SUPT4H1: variants seen among roughly 807,000 people sequenced by gnomAD.
SUPT4H1 encodes SPT4 homolog, DSIF elongation factor subunit.
A neutral mutation model predicts 19.4 loss-of-function variants in SUPT4H1; 12 were observed. The ratio of observed to expected loss-of-function variants is 0.62; its 90% CI spans 0.40 to 1.00. The LOEUF (loss-of-function observed/expected upper bound fraction) is 1.00, where lower values mean the gene tolerates loss of function less well. Among genes scored for constraint, SUPT4H1 ranks in the 50% least tolerant of loss-of-function variants. The pLI is 0.00. For synonymous variants in SUPT4H1, 58 were observed against 56.3 expected, an observed-to-expected ratio of 1.03 and a Z score of -0.14; for missense variants, 115 against 149.2, an observed-to-expected ratio of 0.77 and a Z score of 1.19.
chr17:58,347,366 A>G, intron 3 of SUPT4H1, 125 bp from the exon 4 acceptor site: 1 of 1,352,332 alleles, frequency 7.4e-7, no homozygotes, highest in Non-Finnish European at 1.1e-6. Context: ...TTTGGCTACA[A>G]GTGTTAAATG....
intron 2 of SUPT4H1, 49 bp downstream of exon 2, chr17:58,351,353 T>G: frequency 2.3e-6 from 3 of 1,323,526 alleles, no homozygotes; most frequent in Non-Finnish European, 3.2e-6. Flanking sequence ...CTTCTCTGGG[T>G]GCAGGTTGGG....
At chr17:58,346,392 G>T in intron 4 of SUPT4H1, 79 bp from the exon 5 acceptor site, 1 of 1,210,890 alleles carries the variant, frequency 8.3e-7, no homozygotes. Flanking sequence ...ACCTTGAGGG[G>T]GGTACTATAA....
chr17:58,347,756 T>G, intron 2 of SUPT4H1, 172 bp from the exon 3 acceptor site: 1 of 653,772 alleles, frequency 1.5e-6, no homozygotes, highest in Non-Finnish European at 2.7e-6. Context: ...ACAAAAGTTC[T>G]TCATTCTTAT....
At chr17:58,351,630 C>A in intron 1 of SUPT4H1, 122 bp from the exon 2 acceptor site, 1 of 682,618 alleles carries the variant, frequency 1.5e-6, no homozygotes. Flanking sequence ...GACTGTGTAT[C>A]CTAAGGTTCC....
At chr17:58,347,389 A>T in intron 3 of SUPT4H1, 140 bp downstream of exon 3, 1 of 1,326,920 alleles carries the variant, frequency 7.5e-7, no homozygotes, top group Non-Finnish European at 1.1e-6. Context: ...AAGGCACAGG[A>T]CACTGCTTCC....
At chr17:58,350,534 T>TAAATAAATAAAA (rs1233097958) in intron 2 of SUPT4H1, among the ~76,000 whole-genome samples, 3 of 149,608 alleles carry the variant, frequency 2.0e-5, no homozygotes, top group Non-Finnish European at 4.4e-5. Flanking sequence ...AATAAATAAA[T>TAAATAAATAAAA]AAGTAAAATG....
At position 58,347,540 on chromosome 17, in the gene SUPT4H1, C is replaced by T. The variant is rs199508945; in HGVS notation, c.221G>A (p.Trp74Ter). ...AGGCCAACACTTACTGACTCGCTGC[C>T]ACTTGGAGACCCAGCTGTCCTCTGG... ...MSPEDSWVSK[W>*]QRVSNFKPGV... is the part of the protein sequence containing the mutation. Residue 74 changes from tryptophan (W) to a stop codon, truncating the protein, a stop_gained, in exon 3 of 5, where the codon TGG becomes TAG. Coordinates refer to ENST00000225504, the MANE Select transcript of SUPT4H1 (RefSeq NM_003168.3). LOFTEE classifies it high-confidence loss of function. The T allele has an allele frequency of 4.3e-6, 7 of 1,614,150 alleles. No homozygotes were observed. The highest frequency in any genetic ancestry group is 3.3e-5 in the Admixed American group (2 of 60,020).
intron 2 of SUPT4H1, among the ~76,000 whole-genome samples, chr17:58,349,226 T>C (rs950130827): frequency 1.3e-5 from 2 of 152,252 alleles, no homozygotes; most frequent in Non-Finnish European, 2.9e-5. Context: ...TGACTTACCT[T>C]AGTTCAACTT....
chr17:58,351,156 T>C (rs551268342), intron 2 of SUPT4H1, among the ~76,000 whole-genome samples: 206 of 150,378 alleles, frequency 1.4e-3, no homozygotes, highest in Non-Finnish European at 2.6e-3. Context: ...ATCCCAGCAC[T>C]CTGGGAGGTT....
intron 2 of SUPT4H1, 164 bp from the exon 3 acceptor site, chr17:58,347,748 A>C: frequency 1.5e-6 from 1 of 672,248 alleles, no homozygotes; most frequent in South Asian, 1.7e-5. Context: ...TAGGACTGAC[A>C]AAAGTTCTTC....
chr17:58,352,009 C>G, intron 1 of SUPT4H1, 58 bp downstream of exon 1: 1 of 1,580,104 alleles, frequency 6.3e-7, no homozygotes, highest in Non-Finnish European at 8.7e-7. Flanking sequence ...CCCCATTCCG[C>G]CCTCTTTCCC....
intron 2 of SUPT4H1, among the ~76,000 whole-genome samples, chr17:58,350,285 G>A (rs556386425): frequency 7.2e-5 from 11 of 151,886 alleles, no homozygotes; most frequent in African/African-American, 2.4e-4. Flanking sequence ...AGGCCGAGGC[G>A]GGTGGATCAC....
intron 4 of SUPT4H1, 30 bp from the exon 5 acceptor site, chr17:58,346,343 GGT>G: frequency 6.2e-7 from 1 of 1,607,918 alleles, no homozygotes; most frequent in Non-Finnish European, 8.5e-7. Flanking sequence ...AGTTCTGTGA[GGT>G]AAGATTCAGA....
intron 2 of SUPT4H1, among the ~76,000 whole-genome samples, chr17:58,350,564 G>A (rs975911745): frequency 1.3e-5 from 2 of 150,364 alleles, no homozygotes; most frequent in Non-Finnish European, 3.0e-5. Context: ...GGCCGGGCAT[G>A]GTGACTCATA....
At chr17:58,347,391 A>G (rs1268335765) in intron 3 of SUPT4H1, 138 bp downstream of exon 3, 12 of 1,341,176 alleles carry the variant, frequency 8.9e-6, no homozygotes, top group Admixed American at 1.7e-5. Flanking sequence ...GGCACAGGAC[A>G]CTGCTTCCCT....
At chr17:58,346,563 A>C (rs1972294906) in intron 4 of SUPT4H1, among the ~76,000 whole-genome samples, 1 of 151,912 alleles carries the variant, frequency 6.6e-6, no homozygotes, top group South Asian at 2.1e-4. Flanking sequence ...TCTACAAAAA[A>C]ATTTTAAAAA....
At chr17:58,350,622 G>A (rs941255732) in intron 2 of SUPT4H1, among the ~76,000 whole-genome samples, 1 of 151,330 alleles carries the variant, frequency 6.6e-6, no homozygotes. Context: ...GATCACCTGA[G>A]GTCAGGAGTT....
intron 1 of SUPT4H1, chr17:58,351,796 T>C (rs1239049481): frequency 1.7e-5 from 10 of 572,554 alleles, no homozygotes; most frequent in Non-Finnish European, 2.8e-5. Context: ...CACCCGCCTC[T>C]GACTCCCAGT....
chr17:58,347,509 G>C lies in SUPT4H1; in HGVS notation c.232+20C>G. On this transcript the variant is annotated intron_variant, in intron 3 of 4. Coordinates refer to ENST00000225504, the MANE Select transcript of SUPT4H1 (RefSeq NM_003168.3). ...TAACAACACTACAACTAAGCCAAAAGGAGACAGGCCAACACTTACTGACTC... is the reference window on the plus strand; with the variant it reads ...TAACAACACTACAACTAAGCCAAAACGAGACAGGCCAACACTTACTGACTC... The C allele has an allele frequency of 6.2e-7, 1 of 1,614,064 alleles. No homozygotes were observed. Among genetic ancestry groups the C allele is most frequent in the South Asian group, 1.1e-5 (1 of 91,088 alleles).
Sources: allele counts gnomAD v4.1 joint callset (sites outside exome capture counted in the v4.1 genomes callset), GRCh38; gene constraint gnomAD v4.1.1; transcripts MANE v1.5; gene names NCBI Gene and HGNC (gene_info 2026-07-23, HGNC 2026-07-21).